Variants in GRHL2 observed in about 807,000 individuals in gnomAD.
GRHL2 encodes the protein grainyhead-like protein 2 homolog.
Under a neutral mutation model 83.8 loss-of-function variants are expected in GRHL2, and 21 were observed. The observed-to-expected ratio is 0.25, with a 90% CI of 0.18 to 0.36. The LOEUF (loss-of-function observed/expected upper bound fraction) is 0.36, where lower values mean the gene tolerates loss of function less well. Among genes scored for constraint, GRHL2 ranks in the 10% least tolerant of loss-of-function variants. The pLI is 1.00. For synonymous variants in GRHL2, 280 were observed against 278.9 expected (o/e 1.00, Z -0.04); for missense variants, 623 against 781.8 (o/e 0.80, Z 2.42).
intron 9 of GRHL2, among the ~76,000 whole-genome samples, chr8:101,621,819 G>T (rs1193608787): frequency 6.6e-6 from 1 of 152,070 alleles, no homozygotes; most frequent in Non-Finnish European, 1.5e-5. Context: ...GATTTCTTGA[G>T]TCCAGGAGTT....
chr8:101,647,068 T>C (rs543754328), intron 13 of GRHL2, among the ~76,000 whole-genome samples: 1 of 152,194 alleles, frequency 6.6e-6, no homozygotes, highest in East Asian at 1.9e-4. Context: ...GTAAATCCAG[T>C]GGAAGCAGTA....
At chr8:101,607,110 C>T (rs1245793855) in intron 8 of GRHL2, among the ~76,000 whole-genome samples, 1 of 152,210 alleles carries the variant, frequency 6.6e-6, no homozygotes, top group East Asian at 1.9e-4. Flanking sequence ...TTCCCCCTTC[C>T]CTCTATCTCT....
chr8:101,599,835 CTT>C (rs1812473957), intron 8 of GRHL2, among the ~76,000 whole-genome samples: 1 of 152,214 alleles, frequency 6.6e-6, no homozygotes, highest in African/African-American at 2.4e-5. Flanking sequence ...CCACGAGTCT[CTT>C]TGATTTTATG....
At chr8:101,639,950 A>C (rs1200976337) in intron 12 of GRHL2, among the ~76,000 whole-genome samples, 2 of 152,240 alleles carry the variant, frequency 1.3e-5, no homozygotes, top group African/African-American at 2.4e-5. Flanking sequence ...CACAATGACC[A>C]GACTGAGGAT....
Position 101,669,009 on chromosome 8 carries a change from G to C in GRHL2, c.*2306G>C, listed in dbSNP as rs1346228442. On this transcript the variant is annotated 3_prime_UTR_variant, in exon 16 of 16. Coordinates refer to ENST00000646743, the MANE Select transcript of GRHL2 (RefSeq NM_024915.4). ...GGGATATGAGGCCAGTGCCACCAGA[G>C]GGTGGTGCCAAGTGCCACATCCCTT... 8 of 152,230 alleles carry C rather than the reference G, an allele frequency of 5.3e-5. No homozygotes were observed. Among genetic ancestry groups the C allele is most frequent in the Admixed American group, 5.2e-4 (8 of 15,282 alleles). The allele number at this position is 152,230 out of a possible 1,614,324, so 9.4% of individuals were successfully genotyped here.
intron 2 of GRHL2, among the ~76,000 whole-genome samples, chr8:101,551,880 G>C (rs142294236): frequency 0.046 from 6,999 of 150,616 alleles, 520 homozygotes; most frequent in African/African-American, 0.16. Flanking sequence ...CTGTCGCCCA[G>C]GCTAGAGTGC....
chr8:101,668,047 A>T lies in GRHL2; in HGVS notation c.*1344A>T, dbSNP rs1309785074. 6.6e-6 allele frequency: 1 copy of T among 152,454 alleles called. No homozygotes were observed. Among genetic ancestry groups the T allele is most frequent in the African/African-American group, 2.4e-5 (1 of 41,452 alleles). 9.4% of individuals were successfully genotyped at this position (152,454 alleles called of 1,614,324 possible). ...AGTGAGTGAGAAAGAATGTGCCAAG[A>T]TACCTGGCTCCTGTGAAACCAGCCT... On this transcript the variant is annotated 3_prime_UTR_variant, in exon 16 of 16. Coordinates refer to ENST00000646743, the MANE Select transcript of GRHL2 (RefSeq NM_024915.4).
intron 7 of GRHL2, among the ~76,000 whole-genome samples, chr8:101,592,677 A>G (rs563528569): frequency 1.0e-3 from 156 of 152,282 alleles, no homozygotes; most frequent in Middle Eastern, 3.4e-3. Context: ...GCACTGCAAC[A>G]TTCGAGAAGC....
At chr8:101,541,077 C>T (rs372394028) in intron 1 of GRHL2, among the ~76,000 whole-genome samples, 14 of 151,830 alleles carry the variant, frequency 9.2e-5, no homozygotes, top group African/African-American at 3.1e-4. Flanking sequence ...GGATAGTGGC[C>T]TCCAGTTCCG....
rs1384418412 is a variant in GRHL2, at chr8:101,543,379, C to T, written c.159C>T (p.Ser53=). The T allele has an allele frequency of 6.2e-7, 1 of 1,614,128 alleles. No homozygotes were observed. Residue 53 remains serine (S), a synonymous_variant, in exon 2 of 16, where the codon AGC becomes AGT. Coordinates refer to ENST00000646743, the MANE Select transcript of GRHL2 (RefSeq NM_024915.4). ...CAGCAGCCACCAAGGCCATGATGAG[C>T]ATTAATGGTGATGAGGACAGTGCTG... ...PLTAATKAMM[S]INGDEDSAAA...
chr8:101,552,614 A>G, intron 2 of GRHL2, 101 bp from the exon 3 acceptor site: 1 of 1,049,048 alleles, frequency 9.5e-7, no homozygotes, highest in South Asian at 1.3e-5. Context: ...TTTCCTGGAG[A>G]ACATTCCATT....
chr8:101,663,234 A>G lies in GRHL2; in HGVS notation c.1699-1220A>G, dbSNP rs200101102. Among the ~76,000 whole-genome samples the G allele has an allele frequency of 1.8e-4, 27 of 152,318 alleles. No individual in the cohort carries two copies. The East Asian group carries it at 5.0e-3, about 28-fold the overall frequency. Reference sequence around the variant, plus strand: ...AAGAGGTTGAGCATGTTATTCTTGCATCTGAGAGTAACAATATGGAATATG... The same window carrying G: ...AAGAGGTTGAGCATGTTATTCTTGCGTCTGAGAGTAACAATATGGAATATG... On this transcript the variant is annotated intron_variant, in intron 14 of 15. Coordinates refer to ENST00000646743, the MANE Select transcript of GRHL2 (RefSeq NM_024915.4).
At chr8:101,512,923 T>C (rs552216502) in intron 1 of GRHL2, among the ~76,000 whole-genome samples, 1 of 152,324 alleles carries the variant, frequency 6.6e-6, no homozygotes, top group East Asian at 1.9e-4. Context: ...GGGGCTCTGG[T>C]GAAGTCCTTC....
intron 1 of GRHL2, among the ~76,000 whole-genome samples, chr8:101,537,089 C>G (rs1252903527): frequency 6.6e-6 from 1 of 152,174 alleles, no homozygotes; most frequent in African/African-American, 2.4e-5. Flanking sequence ...ATCCATGTTC[C>G]TGCAAAGGAC....
downstream of GRHL2, among the ~76,000 whole-genome samples, chr8:101,673,096 A>G (rs1369325442): frequency 6.6e-6 from 1 of 151,444 alleles, no homozygotes; most frequent in East Asian, 1.9e-4. Context: ...CCGCTGCAAA[A>G]TCATGCCAAA....
chr8:101,632,038 G>C (rs550884226), intron 10 of GRHL2, among the ~76,000 whole-genome samples, 188 bp from the exon 11 acceptor site: 1 of 152,324 alleles, frequency 6.6e-6, no homozygotes, highest in East Asian at 1.9e-4. Flanking sequence ...CACCTCAGCA[G>C]TGCTCACTTG....
At chr8:101,529,888 TG>T (rs1489112687) in intron 1 of GRHL2, among the ~76,000 whole-genome samples, 16 of 152,228 alleles carry the variant, frequency 1.1e-4, no homozygotes, top group African/African-American at 3.6e-4. Context: ...CAGGGTAAGC[TG>T]GGGGTTAGAC....
chr8:101,582,891 T>C (rs1352575770), intron 7 of GRHL2, among the ~76,000 whole-genome samples: 1 of 152,178 alleles, frequency 6.6e-6, no homozygotes, highest in African/African-American at 2.4e-5. Flanking sequence ...ATACTGAGGT[T>C]TAACATGAAT....
chr8:101,509,088 C>CCTTTCTTT (rs146135095), intron 1 of GRHL2, among the ~76,000 whole-genome samples: 1 of 141,398 alleles, frequency 7.1e-6, no homozygotes, highest in Admixed American at 7.3e-5. Flanking sequence ...TGTTTGTTTT[C>CCTTTCTTT]CTTTCTTTCT....
Sources: allele counts gnomAD v4.1 joint callset (sites outside exome capture counted in the v4.1 genomes callset), GRCh38; gene constraint gnomAD v4.1.1; transcripts MANE v1.5; gene names NCBI Gene and HGNC (gene_info 2026-07-23, HGNC 2026-07-21).